PCDHA12: variants seen among roughly 807,000 people sequenced by gnomAD.
PCDHA12 encodes the protein protocadherin alpha-12.
In PCDHA12, 44 loss-of-function variants were observed where a neutral mutation model predicts 60.0. The observed-to-expected ratio is 0.73, with a 90% confidence interval of 0.58 to 0.94. The LOEUF is 0.94. Ranked by LOEUF, PCDHA12 falls within the 40% of genes least tolerant of loss-of-function variation. The probability of loss-of-function intolerance (pLI) is 0.00; values close to 1 mark genes in which losing one functional copy is unlikely to be tolerated. For missense variants in PCDHA12, 1,276 were observed against 1,239.7 expected (o/e 1.03, Z -0.44); for synonymous variants, 569 against 553.0 (o/e 1.03, Z -0.40).
Position 140,965,562 on chromosome 5 carries a change from A to G in PCDHA12, c.2368-13387A>G, listed in dbSNP as rs548302746. 1.9e-4 allele frequency among the ~76,000 whole-genome samples: 29 copies of G among 152,242 alleles called. No homozygotes were observed. In the South Asian group the frequency reaches 6.0e-3, roughly 32 times the overall value. On this transcript the variant is annotated intron_variant, in intron 1 of 3. Coordinates refer to ENST00000398631, the MANE Select transcript of PCDHA12 (RefSeq NM_018903.4). ...AATTCCAGCCTGGCTTAGGAGATCA[A>G]CAGTAACGCTCTTGATTTAATGGTT...
chr5:140,928,694 C>T, intron 1 of PCDHA12: 1 of 1,614,166 alleles, frequency 6.2e-7, no homozygotes, highest in South Asian at 1.1e-5. Flanking sequence ...TACCACATCT[C>T]CCGGGCGTCT....
chr5:140,979,604 A>T (rs1326370777), intron 2 of PCDHA12, among the ~76,000 whole-genome samples: 1 of 152,204 alleles, frequency 6.6e-6, no homozygotes, highest in African/African-American at 2.4e-5. Context: ...AAATTAACCT[A>T]GAGTAACGGT....
chr5:140,883,421 G>A (rs1398671591), intron 1 of PCDHA12: 1 of 1,614,022 alleles, frequency 6.2e-7, no homozygotes, highest in Non-Finnish European at 8.5e-7. Flanking sequence ...AAATGGACAG[G>A]TCACCTGCAC....
At chr5:140,917,224 G>T (rs142866496) in intron 1 of PCDHA12, among the ~76,000 whole-genome samples, 1 of 150,920 alleles carries the variant, frequency 6.6e-6, no homozygotes, top group African/African-American at 2.4e-5. Flanking sequence ...TTAGTGATAC[G>T]TTGTTAAATC....
At chr5:140,971,322 A>G (rs1344853773) in intron 1 of PCDHA12, among the ~76,000 whole-genome samples, 6 of 152,224 alleles carry the variant, frequency 3.9e-5, no homozygotes, top group Admixed American at 3.9e-4. Context: ...TCTAGGGAGA[A>G]AATTATTTCA....
chr5:140,884,821 G>A, intron 1 of PCDHA12: 2 of 1,011,756 alleles, frequency 2.0e-6, no homozygotes, highest in South Asian at 2.2e-5. Flanking sequence ...TGGACATTAT[G>A]TGTTGGATTA....
At position 141,010,354 on chromosome 5, in the gene PCDHA12, C is replaced by A. The variant is rs1359778786; in HGVS notation, c.*417C>A. On this transcript the variant is annotated 3_prime_UTR_variant, in exon 4 of 4. Coordinates refer to ENST00000398631, the MANE Select transcript of PCDHA12 (RefSeq NM_018903.4). ...GTTTGTGGCCACTGGGTATGTGTGG[C>A]TACCGCGGGTATGCGAGTGCCAGAT... The A allele has an allele frequency of 2.0e-6, 3 of 1,506,078 alleles. No homozygotes were observed. The highest frequency in any genetic ancestry group is 4.4e-5 in the Admixed American group (2 of 45,166). 93.3% of individuals were successfully genotyped at this position (1,506,078 alleles called of 1,614,324 possible).
At chr5:140,886,596 G>C (rs1359025262) in intron 1 of PCDHA12, among the ~76,000 whole-genome samples, 1 of 152,008 alleles carries the variant, frequency 6.6e-6, no homozygotes, top group East Asian at 1.9e-4. Context: ...GGGAGGCCAA[G>C]GTGGGCGGAT....
intron 1 of PCDHA12, chr5:140,967,025 C>A: frequency 1.2e-6 from 2 of 1,608,362 alleles, no homozygotes; most frequent in Non-Finnish European, 8.5e-7. Flanking sequence ...TGCGCCCAGT[C>A]CGCGCTACCT....
chr5:140,952,221 C>T (rs991982346), intron 1 of PCDHA12, among the ~76,000 whole-genome samples: 1 of 151,940 alleles, frequency 6.6e-6, no homozygotes, highest in Non-Finnish European at 1.5e-5. Flanking sequence ...TTTCCAGGCA[C>T]AGTGTGCAAG....
At chr5:141,005,650 C>T (rs1262025643) in intron 3 of PCDHA12, among the ~76,000 whole-genome samples, 4 of 126,784 alleles carry the variant, frequency 3.2e-5, no homozygotes, top group African/African-American at 9.3e-5. Context: ...TGCAGTGAGT[C>T]GAGATCGCGC....
intron 1 of PCDHA12, among the ~76,000 whole-genome samples, chr5:140,961,502 T>C (rs6891232): frequency 0.023 from 3,568 of 152,334 alleles, 49 homozygotes; most frequent in Middle Eastern, 0.034. Context: ...TTGGGAGACT[T>C]TGTTTAATGT....
In PCDHA12 at chr5:141,012,060, A is replaced by T. The variant is rs919882671; in HGVS notation, c.*2123A>T. 3.9e-5 allele frequency: 6 copies of T among 153,766 alleles called. No individual in the cohort carries two copies. The highest frequency in any genetic ancestry group is 8.8e-5 in the Non-Finnish European group (6 of 68,040). 9.5% of individuals were successfully genotyped at this position (153,766 alleles called of 1,614,324 possible). ...GCATGGGGTAAAACTTGTTACCAAC[A>T]CATGTGAACCATTGCTACATTGTAG... On this transcript the variant is annotated 3_prime_UTR_variant, in exon 4 of 4. Transcript: ENST00000398631.
chr5:140,962,237 C>G (rs982591816), intron 1 of PCDHA12, among the ~76,000 whole-genome samples: 5 of 152,108 alleles, frequency 3.3e-5, no homozygotes, highest in Non-Finnish European at 5.9e-5. Context: ...TTCACTTAAC[C>G]ATTTTCTTCA....
chr5:140,920,118 T>A (rs1196076867), intron 1 of PCDHA12, among the ~76,000 whole-genome samples: 1 of 152,164 alleles, frequency 6.6e-6, no homozygotes, highest in Non-Finnish European at 1.5e-5. Context: ...CTTGCCAACA[T>A]CTTGAGTTTT....
rs193096250 is a variant in PCDHA12 at position 140,998,611 on chromosome 5, C to A, written c.2516-11016C>A. Among the ~76,000 whole-genome samples, 28 of 151,482 alleles carry A rather than the reference C, an allele frequency of 1.8e-4. No individual in the cohort carries two copies. The East Asian group carries it at 5.2e-3, about 28-fold the overall frequency. ...CAGAGTTTTGCTCTTGTTGCCCAGG[C>A]TGGAGTGCAATGGCACAATCTCAGC... On this transcript the variant is annotated intron_variant, in intron 3 of 3. Transcript: ENST00000398631.
At chr5:140,912,511 T>C (rs2075947919) in intron 1 of PCDHA12, among the ~76,000 whole-genome samples, 1 of 152,158 alleles carries the variant, frequency 6.6e-6, no homozygotes, top group Non-Finnish European at 1.5e-5. Context: ...TGGATGAATC[T>C]TTAGGGTTTT....
chr5:140,954,470 G>T (rs999752135), intron 1 of PCDHA12, among the ~76,000 whole-genome samples: 2 of 152,150 alleles, frequency 1.3e-5, no homozygotes, highest in Non-Finnish European at 2.9e-5. Flanking sequence ...ATTCTGACTG[G>T]TGTGAGAAGA....
chr5:140,925,108 G>GGAAGGAAGGAAGGAAGGAAGGAA (rs1554202548), intron 1 of PCDHA12, among the ~76,000 whole-genome samples: 19 of 124,700 alleles, frequency 1.5e-4, no homozygotes, highest in Middle Eastern at 4.0e-3. Context: ...GAAGGAAGGA[G>GGAAGGAAGGAAGGAAGGAAGGAA]GGAAGGAAGG....
Sources: gnomAD v4.1 joint callset for allele counts (sites outside exome capture counted in the v4.1 genomes callset) on GRCh38, gnomAD v4.1.1 for gene constraint, MANE v1.5 for transcripts, NCBI Gene and HGNC (gene_info 2026-07-23, HGNC 2026-07-21) for gene names.